Variants in PCSK5 observed in about 807,000 individuals in gnomAD.
The protein encoded by PCSK5 is prohormone convertase 5.
A neutral mutation model predicts 233.2 loss-of-function variants in PCSK5; 129 were observed. The ratio of observed to expected loss-of-function variants is 0.55; its 90% CI spans 0.48 to 0.64. The LOEUF is 0.64. PCSK5 is among the 30% of genes least tolerant of loss of function. The pLI, the probability that PCSK5 is intolerant of heterozygous loss-of-function variation, is 0.00. For synonymous variants in PCSK5, 825 were observed against 879.2 expected (o/e 0.94, Z 1.09); for missense variants, 2,076 against 2,430.1 (o/e 0.85, Z 3.06).
intron 16 of PCSK5, 86 bp from the exon 17 acceptor site, chr9:76,184,587 T>C: frequency 1.2e-6 from 1 of 804,338 alleles, no homozygotes; most frequent in East Asian, 2.6e-5. Context: ...TACTGTAGCA[T>C]ACATTAGCAA....
At chr9:75,983,018 T>C (rs796829309) in intron 2 of PCSK5, among the ~76,000 whole-genome samples, 5 of 152,248 alleles carry the variant, frequency 3.3e-5, no homozygotes, top group African/African-American at 7.2e-5. Flanking sequence ...AAAACATTTA[T>C]GAAGTAATTT....
At chr9:76,255,020 C>G (rs1023254288) in intron 24 of PCSK5, among the ~76,000 whole-genome samples, 6 of 152,134 alleles carry the variant, frequency 3.9e-5, no homozygotes, top group African/African-American at 1.4e-4. Flanking sequence ...GGCATGGTGG[C>G]TCATGCCTGT....
intron 30 of PCSK5, among the ~76,000 whole-genome samples, chr9:76,317,459 A>G (rs928422111): frequency 3.9e-5 from 6 of 152,252 alleles, no homozygotes; most frequent in Admixed American, 2.6e-4. Flanking sequence ...TGCATACAGT[A>G]AATAAATGAC....
chr9:76,292,632 C>T (rs1828313322), intron 25 of PCSK5, among the ~76,000 whole-genome samples: 1 of 152,132 alleles, frequency 6.6e-6, no homozygotes, highest in Admixed American at 6.5e-5. Flanking sequence ...CGTCCTTAAC[C>T]AGAGCGAAGG....
intron 7 of PCSK5, 101 bp downstream of exon 7, chr9:76,071,999 A>G: frequency 8.5e-7 from 1 of 1,175,752 alleles, no homozygotes; most frequent in South Asian, 1.6e-5. Context: ...AACTGGATGG[A>G]GCTCCTAGGC....
At chr9:76,095,812 A>C (rs1831485385) in intron 7 of PCSK5, 78 bp from the exon 8 acceptor site, 4 of 1,269,962 alleles carry the variant, frequency 3.1e-6, no homozygotes, top group African/African-American at 1.5e-5. Context: ...GCACCTACTC[A>C]GTTTGGCTCA....
chr9:75,993,705 C>T (rs1033842073), intron 3 of PCSK5, among the ~76,000 whole-genome samples: 3 of 152,172 alleles, frequency 2.0e-5, no homozygotes, highest in African/African-American at 7.2e-5. Flanking sequence ...AAAGCACAAT[C>T]AGCAGAAAGA....
At chr9:76,126,810 A>G (rs1196685590) in intron 9 of PCSK5, among the ~76,000 whole-genome samples, 1 of 152,150 alleles carries the variant, frequency 6.6e-6, no homozygotes, top group African/African-American at 2.4e-5. Context: ...AGGGGATTAG[A>G]CGATGAGAGA....
chr9:76,220,520 C>T (rs1461435990), intron 20 of PCSK5, among the ~76,000 whole-genome samples: 1 of 100,552 alleles, frequency 9.9e-6, no homozygotes, highest in Non-Finnish European at 1.9e-5. Flanking sequence ...GAGCAAGACT[C>T]TGTCTCAAAA....
chr9:76,239,110 G>T lies in PCSK5; in HGVS notation c.3018G>T (p.Lys1006Asn). ...HSVHVCTRCM[K>N]GYFIAPTNHT... ...TGCATGTCTGCACAAGATGCATGAA[G>T]GGCTACTTCATAGCGCCCACCAACC... is the stretch of plus-strand genomic sequence containing the variant. The change falls in exon 23 of 38, where the codon AAG becomes AAT. Residue 1006 changes from lysine (K) to asparagine (N), a missense_variant. Lys to Asn is a moderately conservative substitution (Grantham distance 94). This residue lies in a region of PCSK5 where 1,510 missense variants were observed against 1,538.1 expected (regional missense o/e 0.98). Transcript: ENST00000674117. 6.2e-7 allele frequency: 1 copy of T among 1,604,886 alleles called. No individual in the cohort carries two copies. The highest frequency in any genetic ancestry group is 8.5e-7 in the Non-Finnish European group (1 of 1,176,222).
chr9:76,072,981 C>G (rs1451175074), intron 7 of PCSK5, among the ~76,000 whole-genome samples: 4 of 152,194 alleles, frequency 2.6e-5, no homozygotes, highest in African/African-American at 7.2e-5. Context: ...GTATATCTTC[C>G]TTACTAAATT....
At position 76,209,704 on chromosome 9, in the gene PCSK5, A is replaced by G. The variant is rs75447810; in HGVS notation, c.2627-17799A>G. On this transcript the variant is annotated intron_variant, in intron 20 of 37. Coordinates refer to ENST00000674117, the MANE Select transcript of PCSK5 (RefSeq NM_001372043.1). ...AAAATTACTCTTGACCTTAAAGAGC[A>G]ACTAGTCCCTGTCAAGGAGACACAT... Among the ~76,000 whole-genome samples, 180 of 152,222 alleles carry G rather than the reference A, an allele frequency of 1.2e-3. 1 individual carries two copies. Among genetic ancestry groups the G allele is most frequent in the African/African-American group, 3.7e-3 (155 of 41,556 alleles).
At chr9:75,903,422 A>G (rs1564071040) in intron 1 of PCSK5, among the ~76,000 whole-genome samples, 1 of 151,484 alleles carries the variant, frequency 6.6e-6, no homozygotes, top group Non-Finnish European at 1.5e-5. Flanking sequence ...GGAAAATTAC[A>G]TTTTGGATAC....
Position 76,289,517 on chromosome 9 carries a change from T to TACACACACACACACAC in PCSK5, c.3143-2701_3143-2686dup, listed in dbSNP as rs138282168. Among the ~76,000 whole-genome samples, 77 of 119,438 alleles carry TACACACACACACACAC rather than the reference T, an allele frequency of 6.4e-4. 1 individual carries two copies. The highest frequency in any genetic ancestry group is 1.6e-3 in the African/African-American group (51 of 31,366). 78.4% of individuals were successfully genotyped at this position (119,438 alleles called of 152,430 possible). A position where few individuals can be genotyped will look rare whatever the true frequency, so the allele number is the denominator to read the frequency against. ...CACACACACACACACACACGCAACA[T>TACACACACACACACAC]ACACACACACACACACACACACACA... On this transcript the variant is annotated intron_variant, in intron 24 of 37. Coordinates refer to ENST00000674117, the MANE Select transcript of PCSK5 (RefSeq NM_001372043.1).
At chr9:76,175,526 A>G in intron 14 of PCSK5, 1 of 310,600 alleles carries the variant, frequency 3.2e-6, no homozygotes, top group Non-Finnish European at 5.8e-6. Context: ...ATTTTACACT[A>G]TTTTAAACAC....
intron 37 of PCSK5, among the ~76,000 whole-genome samples, chr9:76,354,774 C>T (rs62565743): frequency 0.3 from 45,187 of 151,998 alleles, 7,266 homozygotes; most frequent in Middle Eastern, 0.44. Flanking sequence ...AAGATGCTGT[C>T]TAAATTTTTT....
chr9:76,155,607 T>C (rs1822543069), intron 10 of PCSK5, among the ~76,000 whole-genome samples: 1 of 151,966 alleles, frequency 6.6e-6, no homozygotes, highest in Non-Finnish European at 1.5e-5. Context: ...ATTCAGGAAA[T>C]GATGGATGGA....
At chr9:76,002,275 T>G (rs752225239) in intron 3 of PCSK5, among the ~76,000 whole-genome samples, 1 of 152,200 alleles carries the variant, frequency 6.6e-6, no homozygotes, top group Non-Finnish European at 1.5e-5. Context: ...CTTGCAAATA[T>G]ACTCAAGCAT....
At chr9:76,187,938 T>C (rs1415953543) in intron 17 of PCSK5, among the ~76,000 whole-genome samples, 3 of 152,172 alleles carry the variant, frequency 2.0e-5, no homozygotes, top group African/African-American at 7.2e-5. Context: ...ACAGTTAGTT[T>C]TGATAAATTT....
Sources: allele counts gnomAD v4.1 joint callset (sites outside exome capture counted in the v4.1 genomes callset), GRCh38; gene constraint gnomAD v4.1.1; regional missense constraint gnomAD v4.1.1; transcripts MANE v1.5; gene names NCBI Gene and HGNC (gene_info 2026-07-23, HGNC 2026-07-21).